The following DAB2IP variants were observed in gnomAD, a reference collection of about 807,000 sequenced individuals.
DAB2IP encodes the protein DAB2 interacting protein.
DAB2IP carries 28 observed loss-of-function variants against 107.2 expected under a neutral mutation model. That is an observed-to-expected ratio of 0.26 (90% confidence interval 0.19 to 0.36). The LOEUF is 0.36. Among genes scored for constraint, DAB2IP ranks in the 10% least tolerant of loss-of-function variants. The pLI, the probability that DAB2IP is intolerant of heterozygous loss-of-function variation, is 1.00. For missense variants in DAB2IP, 1,400 were observed against 1,644.7 expected, an observed-to-expected ratio of 0.85 and a Z score of 2.57; for synonymous variants, 755 against 706.4, an observed-to-expected ratio of 1.07 and a Z score of -1.09.
intron 1 of DAB2IP, among the ~76,000 whole-genome samples, chr9:121,577,779 G>A (rs1376517917): frequency 6.6e-6 from 1 of 152,202 alleles, no homozygotes; most frequent in Non-Finnish European, 1.5e-5. Context: ...GGTGGCGGTG[G>A]AGGGCGGGGA....
chr9:121,642,025 C>G (rs772104155), intron 1 of DAB2IP, among the ~76,000 whole-genome samples: 2 of 10,888 alleles, frequency 1.8e-4, no homozygotes, highest in Admixed American at 1.1e-3. Flanking sequence ...CTCTCTCTCT[C>G]TCTCTCTTTC....
chr9:121,770,432 G>A (rs1834630862), intron 10 of DAB2IP, 114 bp from the exon 11 acceptor site: 1 of 1,193,486 alleles, frequency 8.4e-7, no homozygotes, highest in Non-Finnish European at 1.2e-6. Context: ...AGCAGGTGGG[G>A]ATCTGCACTT....
At chr9:121,592,314 C>G (rs1564688141) in intron 1 of DAB2IP, among the ~76,000 whole-genome samples, 2 of 150,804 alleles carry the variant, frequency 1.3e-5, no homozygotes, top group Admixed American at 1.3e-4. Flanking sequence ...TGCAGTGAGC[C>G]AAGATAGTGC....
At chr9:121,604,742 C>T (rs1051007619) in intron 1 of DAB2IP, among the ~76,000 whole-genome samples, 11 of 152,146 alleles carry the variant, frequency 7.2e-5, no homozygotes, top group Admixed American at 3.3e-4. Context: ...TGTCGTTGTC[C>T]GCTGCCTGTC....
In DAB2IP at chr9:121,701,260, A is replaced by G. The variant is rs1303157853; in HGVS notation, c.362+1802A>G. 6.6e-6 allele frequency among the ~76,000 whole-genome samples: 1 copy of G among 152,190 alleles called. No homozygotes were observed. Among genetic ancestry groups the G allele is most frequent in the Non-Finnish European group, 1.5e-5 (1 of 68,018 alleles). On this transcript the variant is annotated intron_variant, in intron 3 of 15. Coordinates refer to ENST00000408936, the Ensembl canonical transcript of DAB2IP. This position sits in a 1 kb window ranked among gnomAD's most constrained non-coding sequence, Gnocchi z 4.7. ...TCCTTACAGCGGGAAGCCTGTACCT[A>G]GAAGCCGGCAAGTGCTGGCTGGCCA...
chr9:121,755,478 C>T lies in DAB2IP; in HGVS notation c.363-1535C>T, dbSNP rs114394975. 8.0e-3 allele frequency among the ~76,000 whole-genome samples: 1,215 copies of T among 151,836 alleles called. 13 individuals carry two copies. The highest frequency in any genetic ancestry group is 0.024 in the African/African-American group (977 of 41,092). On this transcript the variant is annotated intron_variant, in intron 3 of 15. Coordinates refer to ENST00000408936, the Ensembl canonical transcript of DAB2IP. ...TCCCTCTGCTTTCAGAGGCCAGCTT[C>T]GTGCTGGGTGTGGAGAGGCAGAGGG...
chr9:121,671,911 G>T (rs1833700170), intron 1 of DAB2IP, among the ~76,000 whole-genome samples: 1 of 152,176 alleles, frequency 6.6e-6, no homozygotes, highest in African/African-American at 2.4e-5. Flanking sequence ...CTCCACGTGT[G>T]CAGGATGAAG....
intron 10 of DAB2IP, among the ~76,000 whole-genome samples, chr9:121,769,679 G>A (rs982965838): frequency 6.6e-6 from 1 of 152,210 alleles, no homozygotes; most frequent in African/African-American, 2.4e-5. Context: ...AGACACAGGA[G>A]GGAGAAATGG....
chr9:121,567,337 T>A, intron 1 of DAB2IP: 1 of 1,530,186 alleles, frequency 6.5e-7, no homozygotes, highest in Non-Finnish European at 9.0e-7. Context: ...GTCAGGCATC[T>A]GGGCACTGTC....
intron 3 of DAB2IP, among the ~76,000 whole-genome samples, chr9:121,734,191 C>A (rs970664351): frequency 6.7e-6 from 1 of 150,236 alleles, no homozygotes; most frequent in Non-Finnish European, 1.5e-5. Flanking sequence ...TCCTGGCTAA[C>A]AAGGTGAAAC....
intron 2 of DAB2IP, among the ~76,000 whole-genome samples, chr9:121,681,182 A>G (rs1369421513): frequency 1.3e-5 from 2 of 152,122 alleles, no homozygotes; most frequent in Non-Finnish European, 2.9e-5. Context: ...CGGAACCAAG[A>G]TTCGACCCCA....
chr9:121,768,474 C>T (rs773957426), exon 10 of DAB2IP: 4 of 1,614,230 alleles, frequency 2.5e-6, no homozygotes, highest in Non-Finnish European at 2.5e-6. Context: ...TGAACCAGTT[C>T]CTAGAGCATG....
intron 5 of DAB2IP, 94 bp downstream of exon 5, chr9:121,759,090 G>A (rs2118964631): frequency 7.6e-7 from 1 of 1,308,372 alleles, no homozygotes; most frequent in Non-Finnish European, 1.1e-6. Flanking sequence ...TGTGGGCTGG[G>A]ATTGGGGGTG....
In DAB2IP at chr9:121,758,888, C is replaced by G; in HGVS notation, c.517-10C>G. On this transcript the variant is annotated splice_polypyrimidine_tract_variant and intron_variant, in intron 4 of 15. Transcript: ENST00000408936. ...TTCCCTCATAACACTGTCTTGCCTG[C>G]TCCCCACAGGTGACGACGTCATCAG... 1 of 1,611,586 alleles carries G rather than the reference C, an allele frequency of 6.2e-7. No individual in the cohort carries two copies. The highest frequency in any genetic ancestry group is 8.5e-7 in the Non-Finnish European group (1 of 1,179,088).
At chr9:121,666,661 C>T (rs953750193) in intron 1 of DAB2IP, among the ~76,000 whole-genome samples, 3 of 152,062 alleles carry the variant, frequency 2.0e-5, no homozygotes, top group Admixed American at 1.3e-4. Flanking sequence ...GGGCTTAAAA[C>T]CTAGACGACA....
intron 1 of DAB2IP, among the ~76,000 whole-genome samples, chr9:121,569,477 T>C (rs1022467184): frequency 7.9e-5 from 12 of 152,198 alleles, no homozygotes; most frequent in South Asian, 2.1e-4. Context: ...CAGGCTGCTG[T>C]AACGAAATAG....
chr9:121,764,103 A>G (rs540127522), intron 8 of DAB2IP, among the ~76,000 whole-genome samples: 169 of 152,308 alleles, frequency 1.1e-3, no homozygotes, highest in Middle Eastern at 3.4e-3. Flanking sequence ...GTCTCTGGTG[A>G]TGAGGGAGCG....
Position 121,698,845 on chromosome 9 carries a change from G to C in DAB2IP, c.229-480G>C, listed in dbSNP as rs1210548736. On this transcript the variant is annotated intron_variant, in intron 2 of 15. Transcript: ENST00000408936. The surrounding 1 kb of genome is among the most constrained non-coding windows in gnomAD (Gnocchi z 4.1). ...CGCTTTGTCAATCCCCGACGGGGTG[G>C]GGGGGCGTGGATTCCTCCAGGTGGG... Among the ~76,000 whole-genome samples, 4 of 152,248 alleles carry C rather than the reference G, an allele frequency of 2.6e-5. No individual in the cohort carries two copies. The East Asian group carries it at 7.8e-4, about 30-fold the overall frequency.
At position 121,772,655 on chromosome 9, in the gene DAB2IP, C is replaced by G. The variant is rs1247984929; in HGVS notation, c.2127C>G (p.Asp709Glu). Residue 709 changes from aspartate to glutamate, a missense_variant, in exon 12 of 16, where the codon GAC becomes GAG. This residue lies in a region of DAB2IP where 517 missense variants were observed against 748.6 expected (regional missense o/e 0.69). Transcript: ENST00000408936. This position sits in a 1 kb window ranked among gnomAD's most constrained non-coding sequence, Gnocchi z 4.7. Reference sequence around the variant, plus strand: ...CGTCTCCAACCCCCGAAAACAAGGACTTGTTTTTTGTCACAAGGTCCTCCG... The same window carrying G: ...CGTCTCCAACCCCCGAAAACAAGGAGTTGTTTTTTGTCACAAGGTCCTCCG... 1 of 1,614,112 alleles carries G rather than the reference C, an allele frequency of 6.2e-7. No homozygotes were observed. The highest frequency in any genetic ancestry group is 1.1e-5 in the South Asian group (1 of 91,078).
Sources: allele counts gnomAD v4.1 joint callset (sites outside exome capture counted in the v4.1 genomes callset), GRCh38; gene constraint gnomAD v4.1.1; regional missense constraint gnomAD v4.1.1; non-coding constraint Gnocchi (gnomAD v3.1); transcripts MANE v1.5; gene names NCBI Gene and HGNC (gene_info 2026-07-23, HGNC 2026-07-21).